Variants in MRPL16 observed in about 807,000 individuals in gnomAD.
The protein encoded by MRPL16 is large ribosomal subunit protein uL16m.
Under a neutral mutation model 22.7 loss-of-function variants are expected in MRPL16, and 17 were observed. The ratio of observed to expected loss-of-function variants is 0.75; its 90% CI spans 0.51 to 1.12. The LOEUF (loss-of-function observed/expected upper bound fraction) is 1.12, where lower values mean the gene tolerates loss of function less well. Ranked by LOEUF, MRPL16 falls within the 50% of genes most tolerant of loss-of-function variation. The pLI is 0.00. For synonymous variants in MRPL16, 103 were observed against 112.8 expected, an observed-to-expected ratio of 0.91 and a Z score of 0.55; for missense variants, 316 against 328.7, an observed-to-expected ratio of 0.96 and a Z score of 0.30.
chr11:59,806,888 C>G, intron 3 of MRPL16, 56 bp from the exon 4 acceptor site: 1 of 1,552,674 alleles, frequency 6.4e-7, no homozygotes, highest in South Asian at 1.2e-5. Flanking sequence ...CATCTATGGG[C>G]TCATTATTTT....
At position 59,809,934 on chromosome 11, in the gene MRPL16, T is replaced by C; in HGVS notation, c.56-14A>G. On this transcript the variant is annotated splice_polypyrimidine_tract_variant and intron_variant, in intron 1 of 3. Transcript: ENST00000300151. ...GTGCCCAGGAATCTACAAAGACAAA[T>C]CAAGTTAAACGACGAAGGTAACAGG... is the stretch of plus-strand genomic sequence containing the variant. The C allele has an allele frequency of 6.2e-7, 1 of 1,609,702 alleles. No homozygotes were observed. Among genetic ancestry groups the C allele is most frequent in the Non-Finnish European group, 8.5e-7 (1 of 1,178,220 alleles).
At chr11:59,808,838 C>G (rs1378941540) in intron 2 of MRPL16, 1 of 152,216 alleles carries the variant, frequency 6.6e-6, no homozygotes, top group Non-Finnish European at 1.5e-5. Context: ...GTGGGCAAAA[C>G]TTCAGGCCAG....
intron 2 of MRPL16, 108 bp from the exon 3 acceptor site, chr11:59,807,957 A>G (rs1866131342): frequency 7.7e-7 from 1 of 1,301,298 alleles, no homozygotes; most frequent in East Asian, 2.5e-5. Context: ...TTTCTTCTTC[A>G]TTTTTTGGTA....
chr11:59,808,763 C>T (rs1866139724), intron 2 of MRPL16: 1 of 152,176 alleles, frequency 6.6e-6, no homozygotes, highest in African/African-American at 2.4e-5. Flanking sequence ...AATGCTCTTT[C>T]TCTCATATAT....
At chr11:59,808,540 G>T (rs779675047) in intron 2 of MRPL16, among the ~76,000 whole-genome samples, 49 of 152,272 alleles carry the variant, frequency 3.2e-4, no homozygotes, top group South Asian at 1.9e-3. Context: ...AGAGGAACCC[G>T]AGGGCTAAAA....
intron 1 of MRPL16, chr11:59,810,173 T>C: frequency 1.4e-6 from 1 of 691,046 alleles, no homozygotes. Context: ...GCCCAGCTAA[T>C]TTTTTTTGTA....
At chr11:59,809,644 G>A (rs557444881) in intron 2 of MRPL16, 6 of 549,382 alleles carry the variant, frequency 1.1e-5, no homozygotes, top group African/African-American at 1.9e-5. Context: ...ACGCTGCTCC[G>A]TAAGAGCAAG....
rs1184230490 is a variant in MRPL16 at position 59,806,475 on chromosome 11, GGTT to G, written c.625_627del (p.Asn209del). The G allele has an allele frequency of 2.5e-6, 4 of 1,614,210 alleles. No individual in the cohort carries two copies. The Admixed American group carries it at 5.0e-5, about 20-fold the overall frequency. On this transcript the variant is annotated inframe_deletion, in exon 4 of 4. Transcript: ENST00000300151. ...ATTCGCTCAAATGTCCAGGGGTTCT[GGTT>G]GTTACGTTCTCTTTCCTCTTGATCT... is the stretch of plus-strand genomic sequence containing the variant.
intron 2 of MRPL16, 98 bp from the exon 3 acceptor site, chr11:59,807,947 T>G (rs1866131211): frequency 7.4e-7 from 1 of 1,349,168 alleles, no homozygotes; most frequent in South Asian, 1.6e-5. Context: ...TCTTAATTTC[T>G]TTCTTCTTCA....
rs1232495203 is a variant in MRPL16 at position 59,806,142 on chromosome 11, C to T, written c.*205G>A. 5 of 549,768 alleles carry T rather than the reference C, an allele frequency of 9.1e-6. No homozygotes were observed. Among genetic ancestry groups the T allele is most frequent in the Non-Finnish European group, 1.5e-5 (5 of 323,150 alleles). 34.1% of individuals were successfully genotyped at this position (549,768 alleles called of 1,614,324 possible). A position where few individuals can be genotyped will look rare whatever the true frequency, so the allele number is the denominator to read the frequency against. On this transcript the variant is annotated 3_prime_UTR_variant, in exon 4 of 4. Coordinates refer to ENST00000300151, the MANE Select transcript of MRPL16 (RefSeq NM_017840.4). ...AGAATGACCAATGAGAAGTTATATC[C>T]TGAAGTGATGTTTAAATTTTATTTA...
rs751396377 is a variant in MRPL16 at position 59,810,718 on chromosome 11, A to G, written c.-60T>C. 1 of 1,602,744 alleles carries G rather than the reference A, an allele frequency of 6.2e-7. No individual in the cohort carries two copies. The highest frequency in any genetic ancestry group is 8.5e-7 in the Non-Finnish European group (1 of 1,170,996). On this transcript the variant is annotated 5_prime_UTR_variant, in exon 1 of 4. Coordinates refer to ENST00000300151, the MANE Select transcript of MRPL16 (RefSeq NM_017840.4). ...GCGACTCCGGCTGTCTCCTGCACCC[A>G]GGTAAGCAGCGGCGCTCCACTACCT...
intron 1 of MRPL16, 97 bp downstream of exon 1, chr11:59,810,507 C>T (rs1164513502): frequency 3.2e-6 from 5 of 1,573,322 alleles, no homozygotes; most frequent in Non-Finnish European, 4.3e-6. Context: ...CTTCACCAAG[C>T]ATATGCAGAG....
At chr11:59,810,370 A>G in intron 1 of MRPL16, 4 of 1,386,598 alleles carry the variant, frequency 2.9e-6, no homozygotes, top group Non-Finnish European at 3.7e-6. Context: ...AATGGACTCA[A>G]AGGCTCAGGC....
rs751139231 is a variant in MRPL16 at position 59,806,857 on chromosome 11, AACACATGCGGACTTCG to A, written c.271-41_271-26del. 10 of 1,594,720 alleles carry A rather than the reference AACACATGCGGACTTCG, an allele frequency of 6.3e-6. No individual in the cohort carries two copies. In the South Asian group the frequency reaches 1.1e-4, roughly 18 times the overall value. ...CCTAAAAGTGAATGGGAGAATTAGA[AACACATGCGGACTTCG>A]ACATCATCTATGGGCTCATTATTTT... is the stretch of plus-strand genomic sequence containing the variant. On this transcript the variant is annotated intron_variant, in intron 3 of 3. Coordinates refer to ENST00000300151, the MANE Select transcript of MRPL16 (RefSeq NM_017840.4).
At chr11:59,810,549 G>T in intron 1 of MRPL16, 55 bp downstream of exon 1, 1 of 1,610,208 alleles carries the variant, frequency 6.2e-7, no homozygotes, top group Non-Finnish European at 8.5e-7. Flanking sequence ...AAAAGCACTG[G>T]AGGGTGGGGG....
At chr11:59,807,207 G>GA (rs1866115334) in intron 3 of MRPL16, 1 of 217,386 alleles carries the variant, frequency 4.6e-6, no homozygotes, top group African/African-American at 2.3e-5. Context: ...GAGGAATGGG[G>GA]AGAGTGGGCA....
intron 1 of MRPL16, 60 bp downstream of exon 1, chr11:59,810,544 C>G: frequency 6.2e-7 from 1 of 1,608,650 alleles, no homozygotes; most frequent in Non-Finnish European, 8.5e-7. Flanking sequence ...GGAGAAAAAG[C>G]ACTGGAGGGT....
Position 59,806,538 on chromosome 11 carries a change from C to G in MRPL16, c.565G>C (p.Ala189Pro). ...VAHKLPFAAKAVSRGTLEKMR... is the reference protein window; with the variant it reads ...VAHKLPFAAKPVSRGTLEKMR... The stretch of plus-strand genomic sequence containing the variant: ...TTCTCTAGAGTCCCGCGGCTCACAG[C>G]CTTTGCTGCGAAGGGCAACTTGTGG... The change falls in exon 4 of 4, where the codon GCT becomes CCT. Residue 189 changes from alanine (A) to proline (P), a missense_variant. Ala to Pro is a conservative substitution (Grantham distance 27). Transcript: ENST00000300151. 1 of 1,614,236 alleles carries G rather than the reference C, an allele frequency of 6.2e-7. No individual in the cohort carries two copies. The highest frequency in any genetic ancestry group is 8.5e-7 in the Non-Finnish European group (1 of 1,180,050).
At chr11:59,809,994 ACTT>A (rs1351401603) in intron 1 of MRPL16, 74 bp from the exon 2 acceptor site, 10 of 1,190,190 alleles carry the variant, frequency 8.4e-6, no homozygotes, top group Admixed American at 4.9e-5. Flanking sequence ...CAAAGGTACT[ACTT>A]CTTATTTTTA....
Sources: gnomAD v4.1 joint callset for allele counts (sites outside exome capture counted in the v4.1 genomes callset) on GRCh38, gnomAD v4.1.1 for gene constraint, MANE v1.5 for transcripts, NCBI Gene and HGNC (gene_info 2026-07-23, HGNC 2026-07-21) for gene names.